The following MPV17L variants were observed in gnomAD, a reference collection of about 807,000 sequenced individuals.
MPV17L encodes the protein mpv17-like protein.
Under a neutral mutation model 25.8 loss-of-function variants are expected in MPV17L, and 24 were observed. The observed-to-expected ratio is 0.93, with a 90% CI of 0.67 to 1.31. MPV17L has a LOEUF of 1.31. Among genes scored for constraint, MPV17L ranks in the 50% most tolerant of loss-of-function variants. The pLI, the probability that MPV17L is intolerant of heterozygous loss-of-function variation, is 0.00. For missense variants in MPV17L, 250 were observed against 265.6 expected (o/e 0.94, Z 0.41); for synonymous variants, 102 against 115.3 (o/e 0.88, Z 0.74).
In MPV17L at chr16:15,396,227, C is replaced by T; in HGVS notation, c.310+20C>T. ...ATGTCGGTGAGGGGCCGGGAGGGGA[C>T]CTGGGGGGTGGGACCCAGTATTGGG... On this transcript the variant is annotated intron_variant, in intron 1 of 3. Transcript: ENST00000396385. 5 of 1,545,640 alleles carry T rather than the reference C, an allele frequency of 3.2e-6. No individual in the cohort carries two copies. Among genetic ancestry groups the T allele is most frequent in the Middle Eastern group, 1.7e-4 (1 of 5,934 alleles).
At position 15,400,346 on chromosome 16, in the gene MPV17L, CTTTTTTT is replaced by C. The variant is rs908354383; in HGVS notation, c.311-429_311-423del. Among the ~76,000 whole-genome samples, 132 of 125,128 alleles carry C rather than the reference CTTTTTTT, an allele frequency of 1.1e-3. 1 individual carries two copies. Among genetic ancestry groups the C allele is most frequent in the Non-Finnish European group, 1.6e-3 (96 of 58,704 alleles). 82.1% of individuals were successfully genotyped at this position (125,128 alleles called of 152,430 possible). On this transcript the variant is annotated intron_variant, in intron 1 of 3. Transcript: ENST00000396385. ...AGTTTTAGAGTGGAGATTATGTTTT[CTTTTTTT>C]TTTTTTTTTTTGTTTGAGACAGGGT... is the stretch of plus-strand genomic sequence containing the variant.
In MPV17L at chr16:15,396,021, G is replaced by A. The variant is rs1478272473; in HGVS notation, c.124G>A (p.Glu42Lys). The change falls in exon 1 of 4, where the codon GAG becomes AAG. Residue 42 changes from glutamate to lysine, a missense_variant. Coordinates refer to ENST00000396385, the MANE Select transcript of MPV17L (RefSeq NM_001128423.2). ...DALQQRLQGR[E>K]ANWRQTRRVA... Reference sequence around the variant, plus strand: ...GCTGCAACAGCGGCTGCAGGGCCGCGAGGCCAACTGGCGCCAGACGCGGCG... The same window carrying A: ...GCTGCAACAGCGGCTGCAGGGCCGCAAGGCCAACTGGCGCCAGACGCGGCG... 3 of 1,528,368 alleles carry A rather than the reference G, an allele frequency of 2.0e-6. No individual in the cohort carries two copies. Among genetic ancestry groups the A allele is most frequent in the Admixed American group, 2.0e-5 (1 of 50,364 alleles). 94.7% of individuals were successfully genotyped at this position (1,528,368 alleles called of 1,614,324 possible). A position where few individuals can be genotyped will look rare whatever the true frequency, so the allele number is the denominator to read the frequency against.
In MPV17L at chr16:15,408,372, A is replaced by G. The variant is rs776260113; in HGVS notation, c.*260A>G. 70 of 305,094 alleles carry G rather than the reference A, an allele frequency of 2.3e-4. No individual in the cohort carries two copies. Among genetic ancestry groups the G allele is most frequent in the Non-Finnish European group, 3.4e-4 (57 of 167,554 alleles). 18.9% of individuals were successfully genotyped at this position (305,094 alleles called of 1,614,324 possible). On this transcript the variant is annotated 3_prime_UTR_variant, in exon 4 of 4. Coordinates refer to ENST00000396385, the MANE Select transcript of MPV17L (RefSeq NM_001128423.2). The stretch of plus-strand genomic sequence containing the variant: ...GGCAAAATGGCATTTTAGAATTATT[A>G]ATATTTCTAATATTTTAACACAAGT...
chr16:15,407,070 GA>G (rs199834111), intron 2 of MPV17L, among the ~76,000 whole-genome samples: 22 of 143,568 alleles, frequency 1.5e-4, no homozygotes, highest in African/African-American at 4.9e-4. Flanking sequence ...CCATGTCTCA[GA>G]AAAAAAAAAA....
Position 15,395,842 on chromosome 16 carries a change from G to A in MPV17L, c.-56G>A, listed in dbSNP as rs2050573129. On this transcript the variant is annotated 5_prime_UTR_variant, in exon 1 of 4. The change creates a new upstream start codon in the 5' untranslated region. Coordinates refer to ENST00000396385, the MANE Select transcript of MPV17L (RefSeq NM_001128423.2). Reference sequence around the variant, plus strand: ...TGGAGGCTGGGGAGGCCCGGACCCGGTGCAGGAAGACGCCGACCACGCGGG... The same window carrying A: ...TGGAGGCTGGGGAGGCCCGGACCCGATGCAGGAAGACGCCGACCACGCGGG... 1 of 1,355,786 alleles carries A rather than the reference G, an allele frequency of 7.4e-7. No homozygotes were observed. The highest frequency in any genetic ancestry group is 3.1e-5 in the East Asian group (1 of 32,650). The allele number at this position is 1,355,786 out of a possible 1,614,324, so 84.0% of individuals were successfully genotyped here. A position where few individuals can be genotyped will look rare whatever the true frequency, so the allele number is the denominator to read the frequency against.
chr16:15,397,826 A>G (rs2050600577), intron 1 of MPV17L, among the ~76,000 whole-genome samples: 1 of 151,852 alleles, frequency 6.6e-6, no homozygotes, highest in Non-Finnish European at 1.5e-5. Context: ...GCGGCCAACT[A>G]CATGGCTGAC....
At chr16:15,407,753 A>G in intron 2 of MPV17L, 71 bp from the exon 3 acceptor site, 3 of 1,454,004 alleles carry the variant, frequency 2.1e-6, no homozygotes, top group Non-Finnish European at 2.8e-6. Context: ...AAAAATAAAA[A>G]ACAAAATAAA....
At chr16:15,401,356 A>C (rs1463257727) in intron 2 of MPV17L, among the ~76,000 whole-genome samples, 3 of 151,894 alleles carry the variant, frequency 2.0e-5, no homozygotes, top group Non-Finnish European at 4.4e-5. Flanking sequence ...TGCTCCAGTG[A>C]TTCTCCCACC....
Position 15,408,274 on chromosome 16 carries a change from T to C in MPV17L, c.*162T>C. 1.7e-6 allele frequency: 1 copy of C among 580,852 alleles called. No individual in the cohort carries two copies. Among genetic ancestry groups the C allele is most frequent in the Non-Finnish European group, 3.0e-6 (1 of 335,102 alleles). 36.0% of individuals were successfully genotyped at this position (580,852 alleles called of 1,614,324 possible). A position where few individuals can be genotyped will look rare whatever the true frequency, so the allele number is the denominator to read the frequency against. On this transcript the variant is annotated 3_prime_UTR_variant, in exon 4 of 4. Coordinates refer to ENST00000396385, the MANE Select transcript of MPV17L (RefSeq NM_001128423.2). Reference sequence around the variant, plus strand: ...AAATTATCAATGATTATTTTTGAATTGTATTCAGACTTTTTTCCTGTTCTA... The same window carrying C: ...AAATTATCAATGATTATTTTTGAATCGTATTCAGACTTTTTTCCTGTTCTA...
intron 1 of MPV17L, 85 bp from the exon 2 acceptor site, chr16:15,400,702 C>T: frequency 1.1e-6 from 1 of 877,754 alleles, no homozygotes; most frequent in East Asian, 3.0e-5. Flanking sequence ...GGTTACTTTG[C>T]ATTTTGGAAT....
At chr16:15,400,680 G>GA (rs1368877245) in intron 1 of MPV17L, 107 bp from the exon 2 acceptor site, 1 of 666,668 alleles carries the variant, frequency 1.5e-6, no homozygotes, top group Non-Finnish European at 2.3e-6. Context: ...CATATTGTTG[G>GA]ATGATAGTGA....
chr16:15,412,037 TTTTG>T lies in MPV17L; in HGVS notation c.*3931_*3934del, dbSNP rs1371933470. 2.0e-5 allele frequency: 3 copies of T among 152,250 alleles called. No individual in the cohort carries two copies. Among genetic ancestry groups the T allele is most frequent in the Admixed American group, 2.0e-4 (3 of 15,284 alleles). The allele number at this position is 152,250 out of a possible 1,614,324, so 9.4% of individuals were successfully genotyped here. On this transcript the variant is annotated 3_prime_UTR_variant, in exon 4 of 4. Transcript: ENST00000396385. ...GCATCATTCACAATTTATCAGTCTT[TTTTG>T]TTTGTACAAAAACTAATATAAGTTA...
chr16:15,402,044 G>C (rs2050643487), intron 2 of MPV17L, among the ~76,000 whole-genome samples: 1 of 152,120 alleles, frequency 6.6e-6, no homozygotes. Context: ...CACATTCAGA[G>C]CCAATGTTTT....
At chr16:15,406,449 C>G (rs1397494969) in intron 2 of MPV17L, among the ~76,000 whole-genome samples, 3 of 151,694 alleles carry the variant, frequency 2.0e-5, no homozygotes, top group Middle Eastern at 3.2e-3. Flanking sequence ...CATACCAAGA[C>G]TTTTTTTTAA....
intron 2 of MPV17L, among the ~76,000 whole-genome samples, chr16:15,406,971 A>G (rs1225427207): frequency 6.6e-6 from 1 of 152,028 alleles, no homozygotes. Context: ...GAGGTGGCTC[A>G]TGCCTATAAC....
At chr16:15,404,628 CTGACCA>C (rs1184509255) in intron 2 of MPV17L, among the ~76,000 whole-genome samples, 1 of 152,168 alleles carries the variant, frequency 6.6e-6, no homozygotes, top group African/African-American at 2.4e-5. Context: ...CGAGACCAGC[CTGACCA>C]ACATGGTGAA....
chr16:15,396,074 C>A lies in MPV17L; in HGVS notation c.177C>A (p.His59Gln), dbSNP rs1308020611. 1.2e-5 allele frequency: 18 copies of A among 1,545,138 alleles called. No homozygotes were observed. The highest frequency in any genetic ancestry group is 1.6e-5 in the Non-Finnish European group (18 of 1,148,444). The change falls in exon 1 of 4, where the codon CAC becomes CAA. Residue 59 changes from histidine (H) to glutamine (Q), a missense_variant. His to Gln is a conservative substitution (Grantham distance 24). Coordinates refer to ENST00000396385, the MANE Select transcript of MPV17L (RefSeq NM_001128423.2). Reference protein sequence around the residue: ...RRVATLVVTFHANFNYVWLRL... With the variant: ...RRVATLVVTFQANFNYVWLRL... ...TGGCCACGTTGGTGGTGACCTTCCA[C>A]GCCAACTTCAACTACGTGTGGCTGC...
chr16:15,402,179 C>T (rs2050644432), intron 2 of MPV17L, among the ~76,000 whole-genome samples: 1 of 152,148 alleles, frequency 6.6e-6, no homozygotes, highest in South Asian at 2.1e-4. Flanking sequence ...TTACTGTTTG[C>T]TCGGCACAAA....
intron 1 of MPV17L, chr16:15,399,319 T>G (rs1324214578): frequency 2.3e-6 from 1 of 431,900 alleles, no homozygotes; most frequent in Non-Finnish European, 4.6e-6. Flanking sequence ...TAATCAGGGA[T>G]TGGAAAGAAT....
Sources: allele counts gnomAD v4.1 joint callset (sites outside exome capture counted in the v4.1 genomes callset), GRCh38; gene constraint gnomAD v4.1.1; transcripts MANE v1.5; gene names NCBI Gene and HGNC (gene_info 2026-07-23, HGNC 2026-07-21).